Variants in METTL9 observed in about 807,000 individuals in gnomAD.
The protein encoded by METTL9 is protein-L-histidine N-pros-methyltransferase.
METTL9 carries 10 observed loss-of-function variants against 36.0 expected under a neutral mutation model. The ratio of observed to expected loss-of-function variants is 0.28; its 90% CI spans 0.17 to 0.47. METTL9 has a LOEUF of 0.47. Among genes scored for constraint, METTL9 ranks in the 20% least tolerant of loss-of-function variants. The probability of loss-of-function intolerance (pLI) is 0.99; values close to 1 mark genes in which losing one functional copy is unlikely to be tolerated. For synonymous variants in METTL9, 175 were observed against 149.7 expected (o/e 1.17, Z -1.23); for missense variants, 246 against 383.5 (o/e 0.64, Z 3.00).
intron 4 of METTL9, among the ~76,000 whole-genome samples, chr16:21,632,162 G>A (rs182923098): frequency 1.2e-4 from 19 of 152,188 alleles, no homozygotes; most frequent in Non-Finnish European, 2.4e-4. Flanking sequence ...CTCCATAATT[G>A]CCTTGTGGTA....
upstream of METTL9, chr16:21,599,366 C>T (rs962888172): frequency 2.6e-5 from 27 of 1,032,048 alleles, no homozygotes; most frequent in South Asian, 1.1e-4. This position sits in a 1 kb window ranked among gnomAD's most constrained non-coding sequence, Gnocchi z 4.4. Flanking sequence ...GAGGCCAAGG[C>T]AGGGCCGGGA....
upstream of METTL9, chr16:21,599,576 C>A (rs1050871766): frequency 1.7e-5 from 22 of 1,288,690 alleles, no homozygotes; most frequent in Admixed American, 3.9e-4. This position sits in a 1 kb window ranked among gnomAD's most constrained non-coding sequence, Gnocchi z 4.4. Context: ...GCCGGCTGCT[C>A]CTCCCCACCC....
At position 21,612,673 on chromosome 16, in the gene METTL9, G is replaced by A; in HGVS notation, c.194G>A (p.Cys65Tyr). Reference sequence around the variant, plus strand: ...TATGTGTGCAACAGAGAGAAATTATGCGAATCACTCCAGGCTGTCTTTGTT... The same window carrying A: ...TATGTGTGCAACAGAGAGAAATTATACGAATCACTCCAGGCTGTCTTTGTT... ...QWYVCNREKL[C>Y]ESLQAVFVQS... Residue 65 changes from cysteine to tyrosine, a missense_variant, in exon 2 of 5, where the codon TGC becomes TAC. By Grantham distance (194) the Cys-to-Tyr change is radical. Around this residue, in one of 2 missense-constraint regions of METTL9, gnomAD observed 146 missense variants for 302.1 expected, o/e 0.48. Transcript: ENST00000358154. The A allele has an allele frequency of 6.4e-7, 1 of 1,558,280 alleles. No individual in the cohort carries two copies. The highest frequency in any genetic ancestry group is 8.6e-7 in the Non-Finnish European group (1 of 1,157,804).
chr16:21,618,576 C>T (rs1359642715), intron 3 of METTL9, among the ~76,000 whole-genome samples: 1 of 152,158 alleles, frequency 6.6e-6, no homozygotes, highest in African/African-American at 2.4e-5. Flanking sequence ...TCTACTTTGT[C>T]TATGAATTTG....
intron 1 of METTL9, among the ~76,000 whole-genome samples, chr16:21,610,282 C>G (rs1297465985): frequency 1.3e-5 from 2 of 152,192 alleles, no homozygotes; most frequent in Non-Finnish European, 2.9e-5. Context: ...TTTCACTTAG[C>G]ATAATGTTGT....
chr16:21,612,447 A>T, intron 1 of METTL9, 198 bp from the exon 2 acceptor site: 1 of 487,470 alleles, frequency 2.1e-6, no homozygotes, highest in Non-Finnish European at 3.3e-6. Context: ...ATTAAATGAG[A>T]AGTCATGTCT....
intron 4 of METTL9, among the ~76,000 whole-genome samples, chr16:21,651,621 T>C (rs1213467260): frequency 6.6e-6 from 1 of 152,084 alleles, no homozygotes; most frequent in Non-Finnish European, 1.5e-5. Context: ...TTATATTAGA[T>C]TTCAAATTTC....
At chr16:21,634,727 T>C (rs1966043780) in intron 4 of METTL9, among the ~76,000 whole-genome samples, 3 of 152,152 alleles carry the variant, frequency 2.0e-5, no homozygotes, top group Non-Finnish European at 4.4e-5. Flanking sequence ...AAACTTACCT[T>C]TTAGGATCAA....
intron 2 of METTL9, among the ~76,000 whole-genome samples, chr16:21,615,567 T>A (rs1965535609): frequency 6.6e-6 from 1 of 152,160 alleles, no homozygotes. Flanking sequence ...GATGAACTTG[T>A]GAGCTCTGAG....
intron 1 of METTL9, among the ~76,000 whole-genome samples, chr16:21,605,921 A>G (rs1033651591): frequency 6.6e-6 from 1 of 152,176 alleles, no homozygotes; most frequent in African/African-American, 2.4e-5. Context: ...GCCAGCTGGA[A>G]GTCCTGGGTT....
At chr16:21,613,473 C>G (rs898473296) in intron 2 of METTL9, among the ~76,000 whole-genome samples, 1 of 152,012 alleles carries the variant, frequency 6.6e-6, no homozygotes, top group South Asian at 2.1e-4. Flanking sequence ...GCCACTGCAC[C>G]TGGAGAGTCT....
At chr16:21,600,006 C>T in intron 1 of METTL9, 108 bp downstream of exon 1, 3 of 975,872 alleles carry the variant, frequency 3.1e-6, no homozygotes, top group African/African-American at 1.7e-5. Context: ...CCGGCCCTCG[C>T]CCCTCCGCCT....
intron 4 of METTL9, chr16:21,647,618 G>T: frequency 8.0e-7 from 1 of 1,247,800 alleles, no homozygotes; most frequent in Non-Finnish European, 1.1e-6. Context: ...ATATAAATAA[G>T]ACTAAAAATA....
In METTL9 at chr16:21,627,341, G is replaced by A. The variant is rs1274670798; in HGVS notation, c.751+2226G>A. On this transcript the variant is annotated intron_variant, in intron 4 of 4. Transcript: ENST00000358154. ...AGTTGTAGGTGAAATGATTACTTAGGTAATTGTTTTGGTAAATGGCTTGAA... is the reference window on the plus strand; with the variant it reads ...AGTTGTAGGTGAAATGATTACTTAGATAATTGTTTTGGTAAATGGCTTGAA... 6.1e-6 allele frequency: 6 copies of A among 984,956 alleles called. No homozygotes were observed. The South Asian group carries it at 1.9e-4, about 31-fold the overall frequency. 61.0% of individuals were successfully genotyped at this position (984,956 alleles called of 1,614,324 possible).
intron 3 of METTL9, among the ~76,000 whole-genome samples, chr16:21,621,150 G>T (rs1965682308): frequency 7.4e-6 from 1 of 135,002 alleles, no homozygotes; most frequent in Non-Finnish European, 1.6e-5. Context: ...GAGAGAGAGA[G>T]TGTGTGTGTG....
chr16:21,648,475 C>G (rs115914423), intron 4 of METTL9, among the ~76,000 whole-genome samples: 1 of 152,222 alleles, frequency 6.6e-6, no homozygotes, highest in Non-Finnish European at 1.5e-5. Context: ...CCCACAGTGT[C>G]AGATGGCTGT....
chr16:21,599,637 C>A lies in METTL9; in HGVS notation c.-97C>A, dbSNP rs767522311. On this transcript the variant is annotated 5_prime_UTR_variant, in exon 1 of 5. Transcript: ENST00000358154. This position sits in a 1 kb window ranked among gnomAD's most constrained non-coding sequence, Gnocchi z 4.4. The stretch of plus-strand genomic sequence containing the variant: ...GATGGGCAAGGCGGCCGCGATGGCT[C>A]GAGCTCGGGCGGTGGCGGCGGTGGC... 15 of 1,339,262 alleles carry A rather than the reference C, an allele frequency of 1.1e-5. No individual in the cohort carries two copies. The highest frequency in any genetic ancestry group is 3.2e-5 in the East Asian group (1 of 31,098). 83.0% of individuals were successfully genotyped at this position (1,339,262 alleles called of 1,614,324 possible). A position where few individuals can be genotyped will look rare whatever the true frequency, so the allele number is the denominator to read the frequency against.
In METTL9 at chr16:21,604,327, T is replaced by C. The variant is rs155029; in HGVS notation, c.165+4429T>C. Reference sequence around the variant, plus strand: ...GATATACCAGGAGTCTTTATGTTTCTCTTTGAAGGTGCCCTAGAAGACCCT... The same window carrying C: ...GATATACCAGGAGTCTTTATGTTTCCCTTTGAAGGTGCCCTAGAAGACCCT... On this transcript the variant is annotated intron_variant, in intron 1 of 4. Transcript: ENST00000358154. Among the ~76,000 whole-genome samples, 1,345 of 152,302 alleles carry C rather than the reference T, an allele frequency of 8.8e-3. 46 individuals carry two copies. The highest frequency in any genetic ancestry group is 0.083 in the East Asian group (430 of 5,192).
In METTL9 at chr16:21,657,147, T is replaced by C. The variant is rs1026119969; in HGVS notation, c.*1715T>C. The C allele has an allele frequency of 3.9e-5, 6 of 152,136 alleles. No homozygotes were observed. The highest frequency in any genetic ancestry group is 7.2e-5 in the African/African-American group (3 of 41,420). The allele number at this position is 152,136 out of a possible 1,614,324, so 9.4% of individuals were successfully genotyped here. On this transcript the variant is annotated 3_prime_UTR_variant, in exon 5 of 5. Coordinates refer to ENST00000358154, the MANE Select transcript of METTL9 (RefSeq NM_016025.5). ...TCTAACTTTCAAGTAGAGAACTTTA[T>C]GCTCTAATAAGAAAAATACAACTCA...
Sources: allele counts gnomAD v4.1 joint callset (sites outside exome capture counted in the v4.1 genomes callset), GRCh38; gene constraint gnomAD v4.1.1; regional missense constraint gnomAD v4.1.1; non-coding constraint Gnocchi (gnomAD v3.1); transcripts MANE v1.5; gene names NCBI Gene and HGNC (gene_info 2026-07-23, HGNC 2026-07-21).